The following IFT80 variants were observed in gnomAD, a reference collection of about 807,000 sequenced individuals.
IFT80 encodes intraflagellar transport protein 80 homolog.
Under a neutral mutation model 107.9 loss-of-function variants are expected in IFT80, and 79 were observed. The observed-to-expected ratio is 0.73, with a 90% CI of 0.61 to 0.88. IFT80 has a LOEUF of 0.88. Among genes scored for constraint, IFT80 ranks in the 40% least tolerant of loss-of-function variants. The pLI is 0.00. For synonymous variants in IFT80, 299 were observed against 300.9 expected, an observed-to-expected ratio of 0.99 and a Z score of 0.07; for missense variants, 797 against 914.2, an observed-to-expected ratio of 0.87 and a Z score of 1.65.
At chr3:160,304,040 T>A (rs752861264) in intron 10 of IFT80, 51 bp from the exon 11 acceptor site, 43 of 1,180,824 alleles carry the variant, frequency 3.6e-5, no homozygotes, top group Non-Finnish European at 4.9e-5. Flanking sequence ...TACCAAATAC[T>A]TTTAAATAAG....
At chr3:160,314,598 C>T (rs1455878185) in intron 9 of IFT80, among the ~76,000 whole-genome samples, 2 of 152,224 alleles carry the variant, frequency 1.3e-5, no homozygotes, top group Non-Finnish European at 2.9e-5. Flanking sequence ...TAATGAAACA[C>T]GGATAAACCA....
Position 160,260,363 on chromosome 3 carries a change from A to G in IFT80, c.2224-1728T>C, listed in dbSNP as rs530787798. Among the ~76,000 whole-genome samples the G allele has an allele frequency of 9.2e-5, 14 of 152,306 alleles. No individual in the cohort carries two copies. The South Asian group carries it at 2.5e-3, about 27-fold the overall frequency. On this transcript the variant is annotated intron_variant, in intron 19 of 19. Transcript: ENST00000326448. The stretch of plus-strand genomic sequence containing the variant: ...AGCACTCATTTCTATGTCTAACAAA[A>G]CACTTATAGAGAAGACGAAACTTGA...
intron 8 of IFT80, among the ~76,000 whole-genome samples, chr3:160,325,652 A>C (rs1229574537): frequency 6.6e-6 from 1 of 152,088 alleles, no homozygotes; most frequent in Non-Finnish European, 1.5e-5. Context: ...ATTTTGAAAT[A>C]TTTGCATATA....
In IFT80 at chr3:160,384,610, T is replaced by C; in HGVS notation, c.-10A>G. 3.8e-6 allele frequency: 6 copies of C among 1,580,750 alleles called. No homozygotes were observed. The highest frequency in any genetic ancestry group is 4.3e-6 in the Non-Finnish European group (5 of 1,150,218). On this transcript the variant is annotated 5_prime_UTR_variant, in exon 2 of 20. Coordinates refer to ENST00000326448, the MANE Select transcript of IFT80 (RefSeq NM_020800.3). Reference sequence around the variant, plus strand: ...ATATCTTTAGTCTCATGACTCCACTTCCAGCAAAAATTTAAGATGCCACTT... The same window carrying C: ...ATATCTTTAGTCTCATGACTCCACTCCCAGCAAAAATTTAAGATGCCACTT...
intron 8 of IFT80, among the ~76,000 whole-genome samples, chr3:160,326,538 G>A (rs181293031): frequency 1.5e-4 from 23 of 152,216 alleles, no homozygotes; most frequent in Admixed American, 1.4e-3. Flanking sequence ...ATCAATAAAT[G>A]TGATTCATTA....
At chr3:160,350,492 C>A (rs1720605216) in intron 8 of IFT80, among the ~76,000 whole-genome samples, 4 of 150,296 alleles carry the variant, frequency 2.7e-5, no homozygotes, top group Non-Finnish European at 4.4e-5. Context: ...GCATTTATAT[C>A]TTAGTGAGTA....
At chr3:160,384,000 TTTG>T in intron 2 of IFT80, 2 of 914,328 alleles carry the variant, frequency 2.2e-6, no homozygotes, top group Non-Finnish European at 2.6e-6. Flanking sequence ...ATCCCAGCAC[TTTG>T]GGAGGCTGGG....
chr3:160,322,019 T>C (rs972576332), intron 8 of IFT80, among the ~76,000 whole-genome samples: 4 of 147,730 alleles, frequency 2.7e-5, no homozygotes, highest in South Asian at 2.1e-4. Flanking sequence ...TATTTATTTA[T>C]TTATTTATTT....
intron 8 of IFT80, among the ~76,000 whole-genome samples, chr3:160,338,582 T>G (rs747407641): frequency 1.3e-5 from 2 of 149,994 alleles, no homozygotes; most frequent in African/African-American, 4.9e-5. Flanking sequence ...CAGTGAGCCA[T>G]CACTGCACCA....
At chr3:160,281,239 T>C (rs1714665372) in intron 14 of IFT80, among the ~76,000 whole-genome samples, 1 of 152,166 alleles carries the variant, frequency 6.6e-6, no homozygotes, top group African/African-American at 2.4e-5. Flanking sequence ...TTGTCTCCCT[T>C]GGACCTAGCT....
chr3:160,265,100 C>A (rs1713199175), intron 19 of IFT80, among the ~76,000 whole-genome samples: 1 of 152,210 alleles, frequency 6.6e-6, no homozygotes, highest in East Asian at 1.9e-4. Context: ...AGACAACTGT[C>A]ACCTCCATTT....
At chr3:160,288,876 A>G (rs959773807) in intron 12 of IFT80, among the ~76,000 whole-genome samples, 2 of 151,390 alleles carry the variant, frequency 1.3e-5, no homozygotes, top group African/African-American at 2.4e-5. Flanking sequence ...AAATTAGTTC[A>G]ATCATTGTGG....
chr3:160,361,137 C>T (rs1261749309), intron 6 of IFT80, among the ~76,000 whole-genome samples: 11 of 152,266 alleles, frequency 7.2e-5, no homozygotes, highest in African/African-American at 2.2e-4. Context: ...AGAACCATCT[C>T]ACATGCAGAG....
chr3:160,334,423 G>T (rs554659475), intron 8 of IFT80, among the ~76,000 whole-genome samples: 2 of 145,544 alleles, frequency 1.4e-5, no homozygotes, highest in East Asian at 3.9e-4. Context: ...GCTCAAATTG[G>T]CTCGCTTTTT....
chr3:160,347,824 T>C (rs1432118726), intron 8 of IFT80, among the ~76,000 whole-genome samples: 1 of 152,234 alleles, frequency 6.6e-6, no homozygotes, highest in Non-Finnish European at 1.5e-5. Context: ...CATTTATTTT[T>C]ACTTTTCACT....
At chr3:160,319,164 T>C (rs945708357) in intron 9 of IFT80, among the ~76,000 whole-genome samples, 13 of 152,176 alleles carry the variant, frequency 8.5e-5, no homozygotes, top group African/African-American at 3.1e-4. Context: ...AAACTTACAT[T>C]AAATCAATTT....
At chr3:160,300,817 T>C (rs1716362819) in intron 12 of IFT80, 66 bp downstream of exon 12, 7 of 1,253,880 alleles carry the variant, frequency 5.6e-6, no homozygotes, top group Middle Eastern at 2.8e-4. Flanking sequence ...GTAAGTTAAT[T>C]TGTGAAAATT....
chr3:160,298,726 C>T (rs1276258876), intron 12 of IFT80, among the ~76,000 whole-genome samples: 1 of 152,114 alleles, frequency 6.6e-6, no homozygotes, highest in African/African-American at 2.4e-5. Flanking sequence ...GGTACTTATA[C>T]AAACCTAGAC....
chr3:160,360,390 T>C (rs1721405876), intron 6 of IFT80, among the ~76,000 whole-genome samples: 1 of 152,148 alleles, frequency 6.6e-6, no homozygotes, highest in African/African-American at 2.4e-5. Flanking sequence ...TTGGTGTACC[T>C]GAAAGTGATA....
Sources: allele counts gnomAD v4.1 joint callset (sites outside exome capture counted in the v4.1 genomes callset), GRCh38; gene constraint gnomAD v4.1.1; transcripts MANE v1.5; gene names NCBI Gene and HGNC (gene_info 2026-07-23, HGNC 2026-07-21).